Variants in SYNE1 observed in about 807,000 individuals in gnomAD.
The protein encoded by SYNE1 is nesprin-1.
A neutral mutation model predicts 1,111.0 loss-of-function variants in SYNE1; 616 were observed. The ratio of observed to expected loss-of-function variants is 0.55; its 90% CI spans 0.52 to 0.59. The LOEUF (loss-of-function observed/expected upper bound fraction) is 0.59, where lower values mean the gene tolerates loss of function less well. SYNE1 is among the 20% of genes least tolerant of loss of function. The probability of loss-of-function intolerance (pLI) is 0.00; values close to 1 mark genes in which losing one functional copy is unlikely to be tolerated. For missense variants in SYNE1, 10,006 were observed against 10,417.0 expected, an observed-to-expected ratio of 0.96 and a Z score of 1.72; for synonymous variants, 3,855 against 3,825.8, an observed-to-expected ratio of 1.01 and a Z score of -0.28.
chr6:152,470,567 G>T (rs2098800175), intron 16 of SYNE1, among the ~76,000 whole-genome samples: 1 of 152,090 alleles, frequency 6.6e-6, no homozygotes, highest in Non-Finnish European at 1.5e-5. Flanking sequence ...TTACTGTAAA[G>T]CAGTTAAATC....
intron 3 of SYNE1, among the ~76,000 whole-genome samples, chr6:152,609,429 G>A (rs958659810): frequency 1.1e-4 from 17 of 152,226 alleles, no homozygotes; most frequent in Non-Finnish European, 1.6e-4. Flanking sequence ...AGGAGTGTTC[G>A]CCATTGCTGA....
chr6:152,350,786 A>G lies in SYNE1; in HGVS notation c.11581-16T>C, dbSNP rs752727347. 36 of 1,613,188 alleles carry G rather than the reference A, an allele frequency of 2.2e-5. No individual in the cohort carries two copies. Among genetic ancestry groups the G allele is most frequent in the Non-Finnish European group, 3.1e-5 (36 of 1,179,560 alleles). ...GTTGAAGTGACTTGAATTACAAAGA[A>G]AAAAAAATGAGCCTGCTCATCTCCG... is the stretch of plus-strand genomic sequence containing the variant. On this transcript the variant is annotated splice_polypyrimidine_tract_variant and intron_variant, in intron 70 of 145. Transcript: ENST00000367255.
intron 4 of SYNE1, among the ~76,000 whole-genome samples, chr6:152,528,612 C>T (rs1357577459): frequency 6.6e-6 from 1 of 152,040 alleles, no homozygotes; most frequent in East Asian, 1.9e-4. Context: ...TGCTGAAGGT[C>T]AAAAGGGAGA....
intron 76 of SYNE1, 93 bp from the exon 77 acceptor site, chr6:152,334,366 C>CT: frequency 1.4e-6 from 2 of 1,386,220 alleles, no homozygotes; most frequent in East Asian, 2.3e-5. Context: ...TTTAAACACT[C>CT]TAAGTTCCTT....
intron 72 of SYNE1, 72 bp from the exon 73 acceptor site, chr6:152,347,307 T>C (rs2096654552): frequency 2.0e-6 from 3 of 1,535,704 alleles, no homozygotes; most frequent in African/African-American, 1.4e-5. Context: ...AAGTTTAAGA[T>C]AGATTATTTC....
At chr6:152,141,934 G>C (rs1345871724) in intron 138 of SYNE1, among the ~76,000 whole-genome samples, 1 of 152,038 alleles carries the variant, frequency 6.6e-6, no homozygotes, top group Non-Finnish European at 1.5e-5. Context: ...AGCCAGGCGT[G>C]GTGGTGAGCA....
Position 152,218,992 on chromosome 6 carries a change from G to C in SYNE1, c.22044+11C>G, listed in dbSNP as rs751070924. 6.6e-5 allele frequency: 107 copies of C among 1,612,956 alleles called. No individual in the cohort carries two copies. The highest frequency in any genetic ancestry group is 2.3e-4 in the Admixed American group (14 of 60,004). On this transcript the variant is annotated intron_variant, in intron 120 of 145. Coordinates refer to ENST00000367255, the MANE Select transcript of SYNE1 (RefSeq NM_182961.4). The stretch of plus-strand genomic sequence containing the variant: ...CCAATATACAGAAGATACTAAATAG[G>C]AGCTCTGTACCTGTAATGAAGTCTG...
intron 4 of SYNE1, among the ~76,000 whole-genome samples, chr6:152,533,744 C>T (rs1268648957): frequency 6.6e-6 from 1 of 152,150 alleles, no homozygotes; most frequent in Non-Finnish European, 1.5e-5. Context: ...ATATAAGCTT[C>T]ATAATGAGAT....
chr6:152,462,087 G>T (rs2098737198), intron 20 of SYNE1, among the ~76,000 whole-genome samples: 1 of 115,334 alleles, frequency 8.7e-6, no homozygotes. Flanking sequence ...AATTAGACTG[G>T]TTTTCGTTAA....
intron 49 of SYNE1, 153 bp from the exon 50 acceptor site, chr6:152,397,133 G>T (rs1042990615): frequency 2.6e-6 from 2 of 758,566 alleles, no homozygotes; most frequent in South Asian, 3.1e-5. Flanking sequence ...CACAACCAAG[G>T]CTCCTCATTG....
intron 70 of SYNE1, among the ~76,000 whole-genome samples, chr6:152,350,989 G>T (rs1371589022): frequency 6.6e-6 from 1 of 152,144 alleles, no homozygotes; most frequent in Non-Finnish European, 1.5e-5. Context: ...CCCTTCCTAT[G>T]TGGAGATAAA....
chr6:152,292,788 T>C (rs939012611), intron 95 of SYNE1, among the ~76,000 whole-genome samples: 1 of 152,204 alleles, frequency 6.6e-6, no homozygotes, highest in Non-Finnish European at 1.5e-5. Flanking sequence ...TTCTGAAGGA[T>C]TGTCACATGC....
At chr6:152,285,929 A>G (rs2094301412) in intron 95 of SYNE1, among the ~76,000 whole-genome samples, 1 of 152,196 alleles carries the variant, frequency 6.6e-6, no homozygotes, top group African/African-American at 2.4e-5. Context: ...CTATCACCAG[A>G]GCGGCAACTA....
intron 57 of SYNE1, 39 bp from the exon 58 acceptor site, chr6:152,376,597 C>T (rs780709794): frequency 1.1e-5 from 17 of 1,608,460 alleles, no homozygotes; most frequent in Middle Eastern, 1.6e-4. Flanking sequence ...CAGGAAAAAG[C>T]GATAAAGTTG....
chr6:152,462,982 TG>T, intron 19 of SYNE1, 92 bp from the exon 20 acceptor site: 2 of 1,449,378 alleles, frequency 1.4e-6, no homozygotes, highest in Non-Finnish European at 1.9e-6. Context: ...TCGCTGGAAT[TG>T]TTATCCGGTA....
intron 74 of SYNE1, among the ~76,000 whole-genome samples, chr6:152,342,955 A>G (rs544685879): frequency 6.6e-6 from 1 of 152,282 alleles, no homozygotes; most frequent in Admixed American, 6.5e-5. Context: ...CTGTTTATAA[A>G]TCACGTTTAT....
At chr6:152,278,782 T>G (rs1042515048) in intron 97 of SYNE1, among the ~76,000 whole-genome samples, 2 of 151,994 alleles carry the variant, frequency 1.3e-5, no homozygotes, top group African/African-American at 2.4e-5. Context: ...TTTTGTTTTT[T>G]TTTGAGGGAG....
intron 2 of SYNE1, among the ~76,000 whole-genome samples, chr6:152,630,424 G>A (rs946002384): frequency 5.9e-5 from 9 of 152,274 alleles, no homozygotes; most frequent in Admixed American, 2.0e-4. Context: ...TGGTTGGGCT[G>A]TCACATACAT....
intron 130 of SYNE1, among the ~76,000 whole-genome samples, chr6:152,166,763 A>G (rs1487988188): frequency 6.6e-6 from 1 of 152,146 alleles, no homozygotes; most frequent in Non-Finnish European, 1.5e-5. Flanking sequence ...TTTTTTTAAA[A>G]ATTGTGTTTT....
Sources: gnomAD v4.1 joint callset for allele counts (sites outside exome capture counted in the v4.1 genomes callset) on GRCh38, gnomAD v4.1.1 for gene constraint, MANE v1.5 for transcripts, NCBI Gene and HGNC (gene_info 2026-07-23, HGNC 2026-07-21) for gene names.